Variants in KCNAB2 observed in about 807,000 individuals in gnomAD.
KCNAB2 encodes the protein voltage-gated potassium channel subunit beta-2.
KCNAB2 carries 29 observed loss-of-function variants against 63.6 expected under a neutral mutation model. The observed-to-expected ratio is 0.46, with a 90% CI of 0.34 to 0.62. KCNAB2 has a LOEUF of 0.62. Ranked by LOEUF, KCNAB2 falls within the 20% of genes least tolerant of loss-of-function variation. The pLI is 0.01. For missense variants in KCNAB2, 359 were observed against 563.9 expected, an observed-to-expected ratio of 0.64 and a Z score of 3.68; for synonymous variants, 222 against 224.2, an observed-to-expected ratio of 0.99 and a Z score of 0.09.
Position 6,061,365 on chromosome 1 carries a change from G to A in KCNAB2, c.218+9611G>A, listed in dbSNP as rs148246532. 1.1e-3 allele frequency among the ~76,000 whole-genome samples: 167 copies of A among 151,878 alleles called. 1 individual carries two copies. The East Asian group carries it at 0.027, about 24-fold the overall frequency. On this transcript the variant is annotated intron_variant, in intron 2 of 15. Transcript: ENST00000378083. ...ACGCCTGTAACCCCAGCACCGGGCC[G>A]GGCGGGGGCTCACGCCTGTCATCCC...
chr1:6,057,118 A>T (rs759172057), intron 2 of KCNAB2, among the ~76,000 whole-genome samples: 2 of 150,156 alleles, frequency 1.3e-5, no homozygotes, highest in East Asian at 2.0e-4. Context: ...TGCATCCTAG[A>T]TGGTGGGAAG....
chr1:6,072,820 G>A (rs373877506), intron 3 of KCNAB2, 22 bp downstream of exon 3: 6 of 1,611,806 alleles, frequency 3.7e-6, no homozygotes, highest in East Asian at 2.2e-5. Flanking sequence ...GGTCCCCTCC[G>A]TCCCACCAGG....
intron 7 of KCNAB2, among the ~76,000 whole-genome samples, chr1:6,088,489 C>G (rs966539683): frequency 1.3e-5 from 2 of 151,796 alleles, no homozygotes; most frequent in Non-Finnish European, 2.9e-5. Flanking sequence ...TTCAAGTAAT[C>G]TGCCCACCTC....
At chr1:6,063,357 C>T (rs1319836080) in intron 2 of KCNAB2, among the ~76,000 whole-genome samples, 53 of 151,612 alleles carry the variant, frequency 3.5e-4, no homozygotes, top group Admixed American at 3.2e-3. Context: ...CTTTCATGAC[C>T]GTCTTTAACT....
At position 6,097,283 on chromosome 1, in the gene KCNAB2, A is replaced by T. The variant is rs553280507; in HGVS notation, c.1084A>T (p.Asn362Tyr). The change falls in exon 15 of 16, where the codon AAT (asparagine) becomes TAT (tyrosine). Residue 362 changes from asparagine (N) to tyrosine (Y), a missense_variant. Transcript: ENST00000378083. ...PQLAIAWCLR[N>Y]EGVSSVLLGA... ...CGCCGCCACAGCCTGGTGCCTGAGG[A>T]ATGAGGGAGTCAGCTCCGTGCTCCT... 6.5e-7 allele frequency: 1 copy of T among 1,548,500 alleles called. No homozygotes were observed. Among genetic ancestry groups the T allele is most frequent in the Admixed American group, 2.0e-5 (1 of 50,884 alleles).
At chr1:6,092,401 G>A (rs374567382) in intron 10 of KCNAB2, among the ~76,000 whole-genome samples, 6 of 152,250 alleles carry the variant, frequency 3.9e-5, no homozygotes, top group South Asian at 2.1e-4. Flanking sequence ...AAGGGGCGCC[G>A]CAGGGCAGCA....
chr1:6,056,092 T>C (rs1443423985), intron 2 of KCNAB2, among the ~76,000 whole-genome samples: 1 of 152,262 alleles, frequency 6.6e-6, no homozygotes, highest in East Asian at 1.9e-4. Context: ...TCACCCAGGC[T>C]GGAGTGCAGT....
At chr1:6,029,827 G>T (rs970465663), upstream of KCNAB2, among the ~76,000 whole-genome samples, 2 of 152,194 alleles carry the variant, frequency 1.3e-5, no homozygotes, top group Non-Finnish European at 2.9e-5. Context: ...GATCGCCTCA[G>T]GTCACCCAAA....
chr1:6,044,598 C>T (rs990055977), upstream of KCNAB2, among the ~76,000 whole-genome samples: 2 of 152,030 alleles, frequency 1.3e-5, no homozygotes, highest in Admixed American at 6.6e-5. Flanking sequence ...TGGTGGGGGG[C>T]CTCGAATGCC....
Position 6,003,038 on chromosome 1 carries a change from G to T in KCNAB2, c.-53+10250G>T, listed in dbSNP as rs1443051244. ...GTCTCAGGTCACACAGCTACCAGAG[G>T]ACAGAGCTAGAACATGACCGCAGCA... On this transcript the variant is annotated intron_variant, in intron 1 of 16. Coordinates refer to the KCNAB2 transcript ENST00000341524. This position sits in a 1 kb window ranked among gnomAD's most constrained non-coding sequence, Gnocchi z 4.1. 6.6e-6 allele frequency among the ~76,000 whole-genome samples: 1 copy of T among 152,196 alleles called. No individual in the cohort carries two copies. The highest frequency in any genetic ancestry group is 1.5e-5 in the Non-Finnish European group (1 of 68,018).
At chr1:6,038,473 A>AT (rs1428755069) in intron 1 of KCNAB2, among the ~76,000 whole-genome samples, 1 of 151,708 alleles carries the variant, frequency 6.6e-6, no homozygotes, top group African/African-American at 2.4e-5. Flanking sequence ...TTATTTTTTA[A>AT]TTTTTTTGTA....
chr1:6,083,226 G>T (rs573182171), intron 5 of KCNAB2, among the ~76,000 whole-genome samples: 3 of 152,320 alleles, frequency 2.0e-5, no homozygotes, highest in Admixed American at 2.0e-4. Context: ...GAGCCCAGCG[G>T]AGGGGTCTGA....
chr1:6,055,430 A>G (rs1479101778), intron 2 of KCNAB2, among the ~76,000 whole-genome samples: 2 of 143,756 alleles, frequency 1.4e-5, no homozygotes, highest in Admixed American at 1.5e-4. Context: ...GTCTCGGCTC[A>G]CTACAACCTC....
intron 2 of KCNAB2, among the ~76,000 whole-genome samples, chr1:6,052,496 A>C (rs918557297): frequency 2.6e-5 from 4 of 151,462 alleles, no homozygotes; most frequent in Non-Finnish European, 2.9e-5. Context: ...CTCCATGGGG[A>C]AAAATGTGTT....
At chr1:6,082,983 TG>T (rs1469648740) in intron 5 of KCNAB2, among the ~76,000 whole-genome samples, 1 of 152,138 alleles carries the variant, frequency 6.6e-6, no homozygotes, top group Non-Finnish European at 1.5e-5. Context: ...GGTGGTTACC[TG>T]CAACTGCAGC....
intron 1 of KCNAB2, among the ~76,000 whole-genome samples, chr1:6,037,007 T>C (rs1362074036): frequency 2.0e-5 from 3 of 152,072 alleles, no homozygotes; most frequent in Non-Finnish European, 2.9e-5. Context: ...GGCATGGAGG[T>C]GTTCTAATGA....
rs116937269 is a variant in KCNAB2, at chr1:6,071,624, A to G, written c.219-1131A>G. Among the ~76,000 whole-genome samples, 62 of 152,262 alleles carry G rather than the reference A, an allele frequency of 4.1e-4. 2 individuals carry two copies. The East Asian group carries it at 7.1e-3, about 18-fold the overall frequency. On this transcript the variant is annotated intron_variant, in intron 2 of 15. Coordinates refer to ENST00000378083, the MANE Select transcript of KCNAB2 (RefSeq NM_001199862.2). This position sits in a 1 kb window ranked among gnomAD's most constrained non-coding sequence, Gnocchi z 8.5. ...CGTGGGAATCGATGTCACGACAAGCAAGGCGCCTGCTGCGTAGGGCACCTG... is the reference window on the plus strand; with the variant it reads ...CGTGGGAATCGATGTCACGACAAGCGAGGCGCCTGCTGCGTAGGGCACCTG...
chr1:6,020,736 G>A (rs1053705417), intron 1 of KCNAB2, among the ~76,000 whole-genome samples: 8 of 152,164 alleles, frequency 5.3e-5, no homozygotes, highest in African/African-American at 1.4e-4. Flanking sequence ...GTGCGATCTC[G>A]GCTCGCTGCA....
chr1:6,046,807 G>T (rs1012493692), intron 1 of KCNAB2, among the ~76,000 whole-genome samples: 1 of 152,224 alleles, frequency 6.6e-6, no homozygotes, highest in African/African-American at 2.4e-5. Context: ...CCATTCAGAA[G>T]AGATGCTCAG....
Sources: allele counts gnomAD v4.1 joint callset (sites outside exome capture counted in the v4.1 genomes callset), GRCh38; gene constraint gnomAD v4.1.1; non-coding constraint Gnocchi (gnomAD v3.1); transcripts MANE v1.5; gene names NCBI Gene and HGNC (gene_info 2026-07-23, HGNC 2026-07-21).